Variants in SHTN1 observed in about 807,000 individuals in gnomAD.
SHTN1 encodes the protein shootin 1.
Under a neutral mutation model 83.1 loss-of-function variants are expected in SHTN1, and 42 were observed. That is an observed-to-expected ratio of 0.51 (90% CI 0.39 to 0.65). The LOEUF is 0.65. SHTN1 is among the 30% of genes least tolerant of loss of function. The pLI is 0.00. For synonymous variants in SHTN1, 224 were observed against 247.7 expected, an observed-to-expected ratio of 0.90 and a Z score of 0.90; for missense variants, 622 against 737.8, an observed-to-expected ratio of 0.84 and a Z score of 1.82.
intron 2 of SHTN1, among the ~76,000 whole-genome samples, chr10:117,037,949 G>A (rs1027593041): frequency 2.2e-4 from 30 of 134,376 alleles, no homozygotes; most frequent in South Asian, 2.3e-4. Context: ...AACTTGCAGT[G>A]AGCCGAGATC....
At chr10:116,956,294 T>C (rs186646148) in intron 4 of SHTN1, among the ~76,000 whole-genome samples, 60 of 152,314 alleles carry the variant, frequency 3.9e-4, no homozygotes, top group Non-Finnish European at 6.9e-4. Context: ...CTAAGAATCA[T>C]TGATGTAAAG....
chr10:117,099,193 A>G (rs189033940), intron 1 of SHTN1, among the ~76,000 whole-genome samples: 1 of 152,186 alleles, frequency 6.6e-6, no homozygotes, highest in African/African-American at 2.4e-5. Flanking sequence ...AGGACGCAAA[A>G]ACATGCAGAG....
In SHTN1 at chr10:116,901,801, T is replaced by C; in HGVS notation, c.1637A>G (p.Lys546Arg). The C allele has an allele frequency of 6.2e-7, 1 of 1,602,102 alleles. No individual in the cohort carries two copies. Among genetic ancestry groups the C allele is most frequent in the Non-Finnish European group, 8.5e-7 (1 of 1,176,576 alleles). The change falls in exon 16 of 17, where the codon AAA becomes AGA. Residue 546 changes from lysine to arginine, a missense_variant. By Grantham distance (26) the Lys-to-Arg change is conservative (BLOSUM62 2). Around this residue, in one of 3 missense-constraint regions of SHTN1, gnomAD observed 231 missense variants for 251.6 expected, o/e 0.92. Coordinates refer to ENST00000355371, the MANE Select transcript of SHTN1 (RefSeq NM_001127211.3). ...CTTGGAACTTGTGCATCCTTCCAAT[T>C]TACGGGGCCCTTCACCTGGCTCAGG... ...PTPEPGEGPR[K>R]LEGCTSSKVT...
intron 8 of SHTN1, 46 bp downstream of exon 8, chr10:116,944,878 A>T: frequency 8.2e-7 from 1 of 1,224,402 alleles, no homozygotes. Flanking sequence ...TGACAGAGCG[A>T]GACTCTGTCT....
At chr10:117,048,428 A>G in intron 2 of SHTN1, 1 of 971,950 alleles carries the variant, frequency 1.0e-6, no homozygotes. Flanking sequence ...ACACATCGGC[A>G]CGGTCTTGTT....
intron 4 of SHTN1, among the ~76,000 whole-genome samples, chr10:116,955,337 AAC>A (rs1279445953): frequency 1.6e-4 from 25 of 152,292 alleles, no homozygotes; most frequent in African/African-American, 5.8e-4. Context: ...CTAAAAAATA[AAC>A]AGTTTTCCTT....
chr10:116,995,529 T>A (rs145487131), intron 1 of SHTN1, among the ~76,000 whole-genome samples: 1 of 152,138 alleles, frequency 6.6e-6, no homozygotes, highest in Non-Finnish European at 1.5e-5. Flanking sequence ...CTTTTGCAAA[T>A]AGAATTGAAA....
intron 2 of SHTN1, among the ~76,000 whole-genome samples, chr10:117,042,727 T>C (rs1271360192): frequency 6.6e-6 from 1 of 152,066 alleles, no homozygotes; most frequent in Non-Finnish European, 1.5e-5. Flanking sequence ...GCGATTCTCC[T>C]GTCTCAAGCT....
At chr10:117,116,869 TA>T (rs1299902911) in intron 1 of SHTN1, among the ~76,000 whole-genome samples, 2 of 151,980 alleles carry the variant, frequency 1.3e-5, no homozygotes, top group East Asian at 3.8e-4. Context: ...TCCTTTATCA[TA>T]AAAAATGCTC....
intron 11 of SHTN1, 26 bp from the exon 12 acceptor site, chr10:116,921,542 A>G: frequency 6.4e-7 from 1 of 1,566,890 alleles, no homozygotes. Flanking sequence ...AAAGATCAAC[A>G]GGAGATTACT....
chr10:117,124,635 T>A (rs539340105), intron 1 of SHTN1, among the ~76,000 whole-genome samples: 21 of 152,198 alleles, frequency 1.4e-4, no homozygotes, highest in Non-Finnish European at 2.4e-4. Context: ...TAGCCGAGCG[T>A]GGTGGTGGGC....
At chr10:116,932,780 A>G (rs1305516182) in intron 9 of SHTN1, among the ~76,000 whole-genome samples, 1 of 152,236 alleles carries the variant, frequency 6.6e-6, no homozygotes. Flanking sequence ...TACAAAGAGT[A>G]TAACAGTTTT....
chr10:116,982,925 T>C (rs1018902626), intron 1 of SHTN1, among the ~76,000 whole-genome samples: 2 of 151,664 alleles, frequency 1.3e-5, no homozygotes, highest in Non-Finnish European at 2.9e-5. Flanking sequence ...ATCATACCAC[T>C]GCACTCCAGC....
chr10:117,005,872 C>T (rs963097232), upstream of SHTN1, among the ~76,000 whole-genome samples: 2 of 152,184 alleles, frequency 1.3e-5, no homozygotes, highest in African/African-American at 4.8e-5. Context: ...TGGTTGGTGG[C>T]GGGATGACCT....
chr10:117,061,524 C>T (rs1378620719), intron 1 of SHTN1, among the ~76,000 whole-genome samples: 2 of 150,850 alleles, frequency 1.3e-5, no homozygotes, highest in Non-Finnish European at 2.9e-5. Flanking sequence ...GGCTAGAGTG[C>T]AATGGCATGA....
At chr10:117,051,785 T>G (rs1254906686) in intron 1 of SHTN1, among the ~76,000 whole-genome samples, 1 of 151,590 alleles carries the variant, frequency 6.6e-6, no homozygotes, top group South Asian at 2.1e-4. Flanking sequence ...AGGACATTCA[T>G]GAAAGACCTA....
At chr10:117,043,610 G>A (rs997648694) in intron 2 of SHTN1, among the ~76,000 whole-genome samples, 3 of 152,044 alleles carry the variant, frequency 2.0e-5, no homozygotes, top group Admixed American at 1.3e-4. Flanking sequence ...GTAGGCTGAG[G>A]CAGGAAGACT....
At chr10:116,963,151 A>T (rs1850257012) in intron 3 of SHTN1, among the ~76,000 whole-genome samples, 1 of 125,584 alleles carries the variant, frequency 8.0e-6, no homozygotes, top group Admixed American at 1.0e-4. Flanking sequence ...GGCTCACTGC[A>T]AGCTCCGCCT....
rs1203762492 is a variant in SHTN1 at position 116,885,173 on chromosome 10, T to C, written c.*1171A>G. On this transcript the variant is annotated 3_prime_UTR_variant, in exon 17 of 17. Coordinates refer to ENST00000355371, the MANE Select transcript of SHTN1 (RefSeq NM_001127211.3). ...TTATTACTATCATTTTCTTTTGCCC[T>C]TAGGTGAAAAACACCTGACAGCTAC... 6.6e-6 allele frequency: 1 copy of C among 152,640 alleles called. No individual in the cohort carries two copies. The highest frequency in any genetic ancestry group is 1.5e-5 in the Non-Finnish European group (1 of 68,048). The allele number at this position is 152,640 out of a possible 1,614,324, so 9.5% of individuals were successfully genotyped here.
Sources: gnomAD v4.1 joint callset for allele counts (sites outside exome capture counted in the v4.1 genomes callset) on GRCh38, gnomAD v4.1.1 for gene constraint, gnomAD v4.1.1 regional missense constraint, MANE v1.5 for transcripts, NCBI Gene and HGNC (gene_info 2026-07-23, HGNC 2026-07-21) for gene names.